PHAF1: variants seen among roughly 807,000 people sequenced by gnomAD.
PHAF1 encodes the protein phagosome assembly factor 1.
PHAF1 carries 23 observed loss-of-function variants against 63.1 expected under a neutral mutation model. The ratio of observed to expected loss-of-function variants is 0.36; its 90% CI spans 0.26 to 0.52. The LOEUF is 0.52. Ranked by LOEUF, PHAF1 falls within the 20% of genes least tolerant of loss-of-function variation. The pLI, the probability that PHAF1 is intolerant of heterozygous loss-of-function variation, is 0.93. For synonymous variants in PHAF1, 167 were observed against 185.0 expected (o/e 0.90, Z 0.79); for missense variants, 427 against 517.2 (o/e 0.83, Z 1.69).
At position 67,110,025 on chromosome 16, in the gene PHAF1, G is replaced by A; in HGVS notation, c.-151G>A. ...GTGAGGTGAGGTGTGGTGTTGGGCC[G>A]GTGCTGCTGCCGCTGCCGCCGGGGA... On this transcript the variant is annotated 5_prime_UTR_variant, in exon 1 of 16. Transcript: ENST00000219139. The A allele has an allele frequency of 4.1e-6, 3 of 733,660 alleles. No homozygotes were observed. The highest frequency in any genetic ancestry group is 6.8e-6 in the Non-Finnish European group (3 of 442,034). 45.4% of individuals were successfully genotyped at this position (733,660 alleles called of 1,614,324 possible).
intron 1 of PHAF1, among the ~76,000 whole-genome samples, chr16:67,114,833 AAGG>A (rs1962673701): frequency 6.6e-6 from 1 of 152,182 alleles, no homozygotes; most frequent in Admixed American, 6.6e-5. Context: ...GGTGGGGAAG[AAGG>A]AGGAATCTAG....
chr16:67,113,451 CT>C lies in PHAF1; in HGVS notation c.64+3228del, dbSNP rs1011100173. Among the ~76,000 whole-genome samples, 174 of 139,364 alleles carry C rather than the reference CT, an allele frequency of 1.2e-3. 1 individual carries two copies. Among genetic ancestry groups the C allele is most frequent in the African/African-American group, 1.4e-3 (54 of 38,368 alleles). The allele number at this position is 139,364 out of a possible 152,430, so 91.4% of individuals were successfully genotyped here. On this transcript the variant is annotated intron_variant, in intron 1 of 15. Transcript: ENST00000219139. ...TGTTTTGTTTTCTTTTTTTCTTTTTCTTTTTTTTTTTTTTTTGAGACGGTGT... is the reference window on the plus strand; with the variant it reads ...TGTTTTGTTTTCTTTTTTTCTTTTTCTTTTTTTTTTTTTTTGAGACGGTGT...
At chr16:67,128,310 T>C (rs753073768) in intron 3 of PHAF1, among the ~76,000 whole-genome samples, 4 of 152,226 alleles carry the variant, frequency 2.6e-5, no homozygotes, top group Non-Finnish European at 5.9e-5. Flanking sequence ...GGAAAGGAGA[T>C]AAAATCAAAC....
chr16:67,126,102 T>C lies in PHAF1; in HGVS notation c.231+60T>C, dbSNP rs530748566. On this transcript the variant is annotated intron_variant, in intron 3 of 15. Transcript: ENST00000219139. ...GCTGGGCCAGTCTTTCTGGAGCTAA[T>C]TAGTATGTGCTATTGTGAGATGTTT... 107 of 1,272,686 alleles carry C rather than the reference T, an allele frequency of 8.4e-5. 3 individuals are homozygous for C. The South Asian group carries it at 1.2e-3, about 14-fold the overall frequency. 78.8% of individuals were successfully genotyped at this position (1,272,686 alleles called of 1,614,324 possible).
chr16:67,139,975 T>G lies in PHAF1; in HGVS notation c.662-9T>G, dbSNP rs916566917. 1.2e-6 allele frequency: 2 copies of G among 1,614,032 alleles called. No individual in the cohort carries two copies. The highest frequency in any genetic ancestry group is 1.7e-5 in the Admixed American group (1 of 60,008). On this transcript the variant is annotated splice_polypyrimidine_tract_variant and intron_variant, in intron 8 of 15. Coordinates refer to ENST00000219139, the MANE Select transcript of PHAF1 (RefSeq NM_025187.5). ...TAACCTGACAACCTCTCTGTCTTGT[T>G]TTTTGCAGGTTGTGGACCTGGCCTA...
rs1962445907 is a variant in PHAF1, at chr16:67,110,102, C to T, written c.-74C>T. 6.7e-7 allele frequency: 1 copy of T among 1,492,906 alleles called. No individual in the cohort carries two copies. The highest frequency in any genetic ancestry group is 9.0e-7 in the Non-Finnish European group (1 of 1,107,178). The allele number at this position is 1,492,906 out of a possible 1,614,324, so 92.5% of individuals were successfully genotyped here. A position where few individuals can be genotyped will look rare whatever the true frequency, so the allele number is the denominator to read the frequency against. On this transcript the variant is annotated 5_prime_UTR_variant, in exon 1 of 16. Transcript: ENST00000219139. ...GCCGGCGGGGGCGGCCTGTCAGCCGCTGCTTTGTCTCCTTAGCTCGGGTCC... is the reference window on the plus strand; with the variant it reads ...GCCGGCGGGGGCGGCCTGTCAGCCGTTGCTTTGTCTCCTTAGCTCGGGTCC...
At chr16:67,131,857 C>CTCCT (rs1963415242) in intron 4 of PHAF1, 1 of 152,560 alleles carries the variant, frequency 6.6e-6, no homozygotes, top group South Asian at 2.1e-4. Context: ...ATCTAGAATA[C>CTCCT]TCCTTCCTTT....
At chr16:67,117,759 T>C (rs1253911519) in intron 1 of PHAF1, among the ~76,000 whole-genome samples, 2 of 147,076 alleles carry the variant, frequency 1.4e-5, no homozygotes, top group African/African-American at 5.0e-5. Flanking sequence ...GACTTCAGAC[T>C]GCGTCTCAAA....
chr16:67,123,927 T>G (rs1435016490), intron 2 of PHAF1, among the ~76,000 whole-genome samples: 1 of 152,220 alleles, frequency 6.6e-6, no homozygotes, highest in Non-Finnish European at 1.5e-5. Context: ...GCAGATGATT[T>G]TACTGAACTG....
At chr16:67,144,473 T>C (rs1963918341) in intron 11 of PHAF1, 97 bp downstream of exon 11, 2 of 846,242 alleles carry the variant, frequency 2.4e-6, no homozygotes, top group African/African-American at 3.4e-5. Context: ...CTAATTTATC[T>C]ACACCTGAAT....
chr16:67,112,046 T>A lies in PHAF1; in HGVS notation c.64+1807T>A, dbSNP rs1962539170. On this transcript the variant is annotated intron_variant, in intron 1 of 15. Transcript: ENST00000219139. ...CATTCTCTCGTGAAGCACTAAGAGC[T>A]TGGTTGGAAGGCTGGTGATACCATG... Among the ~76,000 whole-genome samples the A allele has an allele frequency of 2.0e-5, 3 of 152,152 alleles. No homozygotes were observed. In the South Asian group the frequency reaches 6.2e-4, roughly 32 times the overall value.
In PHAF1 at chr16:67,132,902, A is replaced by C. The variant is rs1275075439; in HGVS notation, c.441A>C (p.Pro147=). The C allele has an allele frequency of 1.2e-6, 2 of 1,608,298 alleles. No homozygotes were observed. The highest frequency in any genetic ancestry group is 4.5e-5 in the East Asian group (2 of 44,860). ...AGTTAGACTCATGGACTGAGGCTCCAAAGTATGAGGTTAGCCCTTCCTGTC... is the reference window on the plus strand; with the variant it reads ...AGTTAGACTCATGGACTGAGGCTCCCAAGTATGAGGTTAGCCCTTCCTGTC... ...SFQLDSWTEA[P]KYEPNFAHGL... is the part of the protein sequence containing the mutation. Residue 147 remains proline, a synonymous_variant, in exon 6 of 16, where the codon CCA becomes CCC. Coordinates refer to ENST00000219139, the MANE Select transcript of PHAF1 (RefSeq NM_025187.5).
intron 1 of PHAF1, among the ~76,000 whole-genome samples, chr16:67,118,484 G>A (rs1215786117): frequency 6.6e-6 from 1 of 151,048 alleles, no homozygotes; most frequent in Non-Finnish European, 1.5e-5. Context: ...CTACAGGTGT[G>A]TGCCACCATG....
intron 2 of PHAF1, among the ~76,000 whole-genome samples, chr16:67,121,374 TTG>T (rs1358305459): frequency 2.1e-5 from 3 of 146,308 alleles, no homozygotes; most frequent in Admixed American, 6.9e-5. Flanking sequence ...TTTTTTTTTT[TTG>T]TATTTTTAGT....
At chr16:67,112,687 T>C (rs1224836278) in intron 1 of PHAF1, among the ~76,000 whole-genome samples, 1 of 152,232 alleles carries the variant, frequency 6.6e-6, no homozygotes, top group Non-Finnish European at 1.5e-5. Context: ...ATCAAGGGTT[T>C]ACACAGTTCT....
At chr16:67,138,263 A>G (rs1417509872) in intron 8 of PHAF1, among the ~76,000 whole-genome samples, 3 of 152,150 alleles carry the variant, frequency 2.0e-5, no homozygotes, top group Non-Finnish European at 4.4e-5. Context: ...TGGGTTCTAT[A>G]GGTCACCCAA....
intron 2 of PHAF1, 103 bp from the exon 3 acceptor site, chr16:67,125,856 C>T: frequency 1.2e-6 from 1 of 829,766 alleles, no homozygotes. Flanking sequence ...GGACTGTCTG[C>T]ACTTAGATAT....
rs945770237 is a variant in PHAF1 at position 67,144,341 on chromosome 16, A to G, written c.927A>G (p.Leu309=). The change falls in exon 11 of 16, where the codon CTA becomes CTG. Residue 309 remains leucine, a synonymous_variant. Transcript: ENST00000219139. ...CACACAAAGTGAAGAAGTTTGTTCTACACACCAATTACCCTGGGCATTATA... is the reference window on the plus strand; with the variant it reads ...CACACAAAGTGAAGAAGTTTGTTCTGCACACCAATTACCCTGGGCATTATA... ...ANTHKVKKFV[L]HTNYPGHYNF... 5 of 1,611,912 alleles carry G rather than the reference A, an allele frequency of 3.1e-6. No individual in the cohort carries two copies. Among genetic ancestry groups the G allele is most frequent in the African/African-American group, 1.3e-5 (1 of 74,902 alleles).
At chr16:67,134,063 C>T in intron 6 of PHAF1, 105 bp from the exon 7 acceptor site, 1 of 983,556 alleles carries the variant, frequency 1.0e-6, no homozygotes, top group Non-Finnish European at 1.6e-6. Flanking sequence ...TACTTTGACC[C>T]TTTGACCTGA....
Sources: gnomAD v4.1 joint callset for allele counts (sites outside exome capture counted in the v4.1 genomes callset) on GRCh38, gnomAD v4.1.1 for gene constraint, MANE v1.5 for transcripts, NCBI Gene and HGNC (gene_info 2026-07-23, HGNC 2026-07-21) for gene names.